Variants in FAAH2 observed in about 807,000 individuals in gnomAD.
FAAH2 encodes fatty-acid amide hydrolase 2.
FAAH2 carries 60 observed loss-of-function variants against 36.9 expected under a neutral mutation model. That is an observed-to-expected ratio of 1.63 (90% CI 1.32 to 2.02). FAAH2 has a LOEUF of 2.02. Among genes scored for constraint, FAAH2 ranks in the 30% most tolerant of loss-of-function variants. The pLI is 0.00. For missense variants in FAAH2, 689 were observed against 397.5 expected (o/e 1.73, Z -6.23); for synonymous variants, 214 against 143.8 (o/e 1.49, Z -3.49).
chrX:57,322,096 G>A (rs1274634392), intron 3 of FAAH2, among the ~76,000 whole-genome samples: 2 of 109,624 alleles, frequency 1.8e-5, no homozygotes, highest in Non-Finnish European at 3.8e-5. Flanking sequence ...TCTGCCTCCC[G>A]GGTTCACGCC....
chrX:57,217,970 A>C, the FAAH2 span, among the ~76,000 whole-genome samples: 1 of 111,150 alleles, frequency 9.0e-6, no homozygotes, highest in Non-Finnish European at 1.9e-5. Context: ...GCAGTGTTTT[A>C]TAGTTTTCCT....
chrX:57,173,169 G>A, the FAAH2 span, among the ~76,000 whole-genome samples: 505 of 111,960 alleles, frequency 4.5e-3, 2 homozygotes, highest in African/African-American at 0.016. Flanking sequence ...GCTTTAGGCA[G>A]TATGGTCATT....
intron 2 of FAAH2, among the ~76,000 whole-genome samples, chrX:57,301,713 G>A (rs2052378178): frequency 1.8e-5 from 2 of 110,719 alleles, no homozygotes; most frequent in Admixed American, 9.6e-5. Context: ...AGGGCTGAGA[G>A]ATAATAATAT....
At chrX:57,299,278 C>A (rs764290225) in intron 2 of FAAH2, among the ~76,000 whole-genome samples, 44 of 112,029 alleles carry the variant, frequency 3.9e-4, no homozygotes, top group Non-Finnish European at 6.9e-4. Context: ...GGGTTCATCC[C>A]TGGGATGCAA....
At chrX:57,423,550 G>T (rs775239802) in intron 7 of FAAH2, among the ~76,000 whole-genome samples, 1 of 111,856 alleles carries the variant, frequency 8.9e-6, no homozygotes, top group African/African-American at 3.2e-5. Flanking sequence ...TTGAGAGTGT[G>T]GAAGCAATGT....
At chrX:57,177,524 C>T in the FAAH2 span, among the ~76,000 whole-genome samples, 5 of 93,394 alleles carry the variant, frequency 5.4e-5, no homozygotes, top group South Asian at 5.3e-4. Context: ...AAATGTGGGT[C>T]GGTTCGGGAG....
chrX:57,325,112 G>T (rs937077867), intron 3 of FAAH2, among the ~76,000 whole-genome samples: 4 of 111,898 alleles, frequency 3.6e-5, no homozygotes, highest in Non-Finnish European at 7.5e-5. Flanking sequence ...GGTTTTTGTT[G>T]TTGGTTCTGT....
At chrX:57,227,490 G>C in the FAAH2 span, among the ~76,000 whole-genome samples, 3 of 111,290 alleles carry the variant, frequency 2.7e-5, no homozygotes, top group Non-Finnish European at 5.7e-5. Context: ...ACAGAGTCCT[G>C]TGATATTAAC....
chrX:57,440,028 G>A (rs2056513435), intron 8 of FAAH2, among the ~76,000 whole-genome samples: 1 of 111,602 alleles, frequency 9.0e-6, no homozygotes, highest in Non-Finnish European at 1.9e-5. Context: ...TTTGAAGTCA[G>A]GCAGCGTGAT....
At chrX:57,289,803 C>T (rs777174526) in intron 1 of FAAH2, among the ~76,000 whole-genome samples, 10 of 109,784 alleles carry the variant, frequency 9.1e-5, no homozygotes, top group Non-Finnish European at 1.9e-4. Flanking sequence ...TAATATGATT[C>T]CTTTTGTGTG....
rs750247716 is a variant in FAAH2, at chrX:57,319,099, G to A, written c.412+8370G>A. Reference sequence around the variant, plus strand: ...GGCAAAAACTGGAAGCATTCCCTTTGAAAACTGGCACAAGACAAGGATGCC... The same window carrying A: ...GGCAAAAACTGGAAGCATTCCCTTTAAAAACTGGCACAAGACAAGGATGCC... On this transcript the variant is annotated intron_variant, in intron 3 of 10. Coordinates refer to ENST00000374900, the MANE Select transcript of FAAH2 (RefSeq NM_174912.4). 1.3e-4 allele frequency among the ~76,000 whole-genome samples: 14 copies of A among 111,952 alleles called. No individual in the cohort carries two copies. In the East Asian group the frequency reaches 3.9e-3, roughly 31 times the overall value.
chrX:57,173,659 G>C, the FAAH2 span, among the ~76,000 whole-genome samples: 1 of 111,531 alleles, frequency 9.0e-6, no homozygotes, highest in Non-Finnish European at 1.9e-5. Context: ...ATTCTTAGGG[G>C]GAACGTTTAC....
the FAAH2 span, among the ~76,000 whole-genome samples, chrX:57,228,615 C>T: frequency 1.8e-5 from 2 of 111,167 alleles, no homozygotes; most frequent in Admixed American, 9.6e-5. Context: ...TGCAAGCCTC[C>T]GTATGCTGCT....
intron 10 of FAAH2, among the ~76,000 whole-genome samples, chrX:57,456,147 T>A (rs2056861820): frequency 9.0e-6 from 1 of 111,466 alleles, no homozygotes; most frequent in African/African-American, 3.3e-5. Flanking sequence ...AATACCAAGA[T>A]CTCTCAAAAC....
chrX:57,239,425 T>C, the FAAH2 span, among the ~76,000 whole-genome samples: 1 of 110,873 alleles, frequency 9.0e-6, no homozygotes, highest in Non-Finnish European at 1.9e-5. Context: ...TGCAAGTTTC[T>C]TGATGGGGTT....
intron 7 of FAAH2, among the ~76,000 whole-genome samples, chrX:57,408,215 T>C (rs747633163): frequency 5.5e-4 from 61 of 111,213 alleles, no homozygotes; most frequent in African/African-American, 1.9e-3. Context: ...TGAATTTTGA[T>C]AGCAAATGCA....
chrX:57,385,687 A>G (rs1036227145), intron 7 of FAAH2, among the ~76,000 whole-genome samples: 3 of 112,031 alleles, frequency 2.7e-5, no homozygotes, highest in Admixed American at 1.9e-4. Context: ...TATTCAAACC[A>G]TAGGTCAGGA....
At chrX:57,426,704 A>G (rs1213010528) in intron 7 of FAAH2, among the ~76,000 whole-genome samples, 4 of 112,011 alleles carry the variant, frequency 3.6e-5, no homozygotes, top group Non-Finnish European at 5.7e-5. Flanking sequence ...GAAACAAATG[A>G]AAATGGAAAC....
At chrX:57,395,966 CTG>C (rs2055285479) in intron 7 of FAAH2, among the ~76,000 whole-genome samples, 2 of 111,885 alleles carry the variant, frequency 1.8e-5, no homozygotes, top group South Asian at 7.4e-4. Flanking sequence ...GTGAATCAAT[CTG>C]GTCCTGGGCC....
Sources: allele counts gnomAD v4.1 joint callset (sites outside exome capture counted in the v4.1 genomes callset), GRCh38; gene constraint gnomAD v4.1.1; transcripts MANE v1.5; gene names NCBI Gene and HGNC (gene_info 2026-07-23, HGNC 2026-07-21).